Variants in S100A7 observed in about 807,000 individuals in gnomAD.
S100A7 encodes protein S100-A7.
A neutral mutation model predicts 3.8 loss-of-function variants in S100A7; 2 were observed. The observed-to-expected ratio is 0.53, with a 90% CI of 0.22 to 1.67. The LOEUF (loss-of-function observed/expected upper bound fraction) is 1.67, where lower values mean the gene tolerates loss of function less well. Among genes scored for constraint, S100A7 ranks in the 40% most tolerant of loss-of-function variants. The pLI is 0.20. For synonymous variants in S100A7, 55 were observed against 45.9 expected, an observed-to-expected ratio of 1.20 and a Z score of -0.80; for missense variants, 130 against 126.3, an observed-to-expected ratio of 1.03 and a Z score of -0.14.
At chr1:153,458,356 C>T (rs926926111) in intron 2 of S100A7, among the ~76,000 whole-genome samples, 6 of 152,120 alleles carry the variant, frequency 3.9e-5, no homozygotes, top group African/African-American at 1.4e-4. Flanking sequence ...CTTTCTCTGG[C>T]CTCCTCTCCT....
intron 1 of S100A7, 99 bp from the exon 2 acceptor site, chr1:153,459,129 G>A: frequency 2.1e-6 from 3 of 1,420,340 alleles, no homozygotes; most frequent in Non-Finnish European, 2.9e-6. Flanking sequence ...TAAAAACACG[G>A]ATAAGGTGTA....
intron 1 of S100A7, among the ~76,000 whole-genome samples, chr1:153,459,386 A>G (rs555643153): frequency 1.3e-5 from 2 of 152,344 alleles, no homozygotes; most frequent in Non-Finnish European, 2.9e-5. Context: ...CCCCACTCTT[A>G]AAAGAGCACC....
chr1:153,458,677 T>C (rs1663744986), intron 2 of S100A7, among the ~76,000 whole-genome samples, 196 bp downstream of exon 2: 1 of 152,202 alleles, frequency 6.6e-6, no homozygotes, highest in Non-Finnish European at 1.5e-5. Flanking sequence ...GACCATCTAA[T>C]AACCTCCTTT....
Position 153,458,971 on chromosome 1 carries a change from C to T in S100A7, c.43G>A (p.Asp15Asn), listed in dbSNP as rs1038529990. The T allele has an allele frequency of 9.3e-6, 15 of 1,613,908 alleles. No homozygotes were observed. The highest frequency in any genetic ancestry group is 6.7e-5 in the African/African-American group (5 of 74,894). Reference sequence around the variant, plus strand: ...CGTCTGGTGTATTTGTGAAACATGTCGATCATGCCTATTATGGACCTCTCA... The same window carrying T: ...CGTCTGGTGTATTTGTGAAACATGTTGATCATGCCTATTATGGACCTCTCA... Reference protein sequence around the residue: ...QAERSIIGMIDMFHKYTRRDD... With the variant: ...QAERSIIGMINMFHKYTRRDD... The change falls in exon 2 of 3, where the codon GAC becomes AAC. Residue 15 changes from aspartate to asparagine, a missense_variant. Transcript: ENST00000368723.
chr1:153,458,470 G>A (rs542222446), intron 2 of S100A7, among the ~76,000 whole-genome samples: 36 of 152,156 alleles, frequency 2.4e-4, no homozygotes, highest in Non-Finnish European at 4.6e-4. Flanking sequence ...ATTTGCTAAT[G>A]AGTCTTGTTT....
At chr1:153,460,330 C>G (rs1317823745) in intron 1 of S100A7, among the ~76,000 whole-genome samples, 3 of 152,062 alleles carry the variant, frequency 2.0e-5, no homozygotes, top group East Asian at 1.9e-4. Flanking sequence ...AGGAAGAGGA[C>G]AGGGAGGGTC....
chr1:153,458,719 T>G (rs1263359657), intron 2 of S100A7, among the ~76,000 whole-genome samples, 154 bp downstream of exon 2: 3 of 152,200 alleles, frequency 2.0e-5, no homozygotes, highest in Non-Finnish European at 4.4e-5. Flanking sequence ...ATTTTCATAC[T>G]TTTTTGCCTA....
chr1:153,459,811 G>A (rs1372548185), intron 1 of S100A7: 4 of 152,266 alleles, frequency 2.6e-5, no homozygotes, highest in Admixed American at 6.5e-5. Context: ...AAATAAAAAT[G>A]TCTGACTTCC....
At chr1:153,459,091 A>G (rs950915437) in intron 1 of S100A7, 61 bp from the exon 2 acceptor site, 3 of 1,571,340 alleles carry the variant, frequency 1.9e-6, no homozygotes, top group African/African-American at 2.7e-5. Flanking sequence ...TCTATTTGGG[A>G]GTGCTGGAAG....
intron 2 of S100A7, 66 bp downstream of exon 2, chr1:153,458,807 G>A: frequency 6.4e-7 from 1 of 1,558,596 alleles, no homozygotes; most frequent in South Asian, 1.2e-5. Flanking sequence ...GAGGGTGAGG[G>A]TGATCTGTCC....
chr1:153,458,293 A>G (rs964376311), intron 2 of S100A7, among the ~76,000 whole-genome samples: 2 of 152,008 alleles, frequency 1.3e-5, no homozygotes, highest in Non-Finnish European at 2.9e-5. Context: ...GGCACTGCCT[A>G]CCTTAGTTCT....
At chr1:153,458,435 C>T (rs1221401913) in intron 2 of S100A7, among the ~76,000 whole-genome samples, 1 of 152,138 alleles carries the variant, frequency 6.6e-6, no homozygotes, top group Non-Finnish European at 1.5e-5. Flanking sequence ...CCTTTGGTAC[C>T]TAGTAGCCCA....
At chr1:153,459,256 G>C (rs547053603) in intron 1 of S100A7, among the ~76,000 whole-genome samples, 1 of 152,328 alleles carries the variant, frequency 6.6e-6, no homozygotes, top group South Asian at 2.1e-4. Flanking sequence ...GATGCAGGTG[G>C]ATGGCGGAAG....
At chr1:153,458,730 C>G (rs543737943) in intron 2 of S100A7, 143 bp downstream of exon 2, 19 of 985,064 alleles carry the variant, frequency 1.9e-5, no homozygotes, top group Non-Finnish European at 2.8e-5. Flanking sequence ...TTTTTGCCTA[C>G]CATCCTTAGA....
rs1280470954 is a variant in S100A7 at position 153,458,106 on chromosome 1, G to A, written c.142-136C>T. 5.2e-6 allele frequency: 5 copies of A among 968,566 alleles called. No individual in the cohort carries two copies. In the South Asian group the frequency reaches 6.4e-5, roughly 12 times the overall value. The allele number at this position is 968,566 out of a possible 1,614,324, so 60.0% of individuals were successfully genotyped here. On this transcript the variant is annotated intron_variant, in intron 2 of 2. Transcript: ENST00000368723. ...ATGGTGGCGGGGCTGAGAGCACAGGGTGAGTGGGTGAAGTTGGGGTGAGGA... is the reference window on the plus strand; with the variant it reads ...ATGGTGGCGGGGCTGAGAGCACAGGATGAGTGGGTGAAGTTGGGGTGAGGA...
intron 1 of S100A7, 35 bp from the exon 2 acceptor site, chr1:153,459,065 C>A (rs1341502084): frequency 5.6e-6 from 9 of 1,601,328 alleles, no homozygotes; most frequent in East Asian, 2.2e-5. Context: ...TTTTTCCCTT[C>A]ATTTAAGTTA....
chr1:153,458,864 C>A lies in S100A7; in HGVS notation c.141+9G>T. The A allele has an allele frequency of 6.2e-7, 1 of 1,613,648 alleles. No homozygotes were observed. The highest frequency in any genetic ancestry group is 8.5e-7 in the Non-Finnish European group (1 of 1,179,684). On this transcript the variant is annotated intron_variant, in intron 2 of 2. Transcript: ENST00000368723. ...TCCTCCAACATTGAGAAGCTAGACA[C>A]CGACTCACACAGGCACTAAGGAAGT...
intron 2 of S100A7, among the ~76,000 whole-genome samples, 189 bp from the exon 3 acceptor site, chr1:153,458,159 G>A (rs1001244208): frequency 2.6e-5 from 4 of 151,994 alleles, no homozygotes; most frequent in Non-Finnish European, 4.4e-5. Flanking sequence ...GAGTTCTCTA[G>A]GGAGTCTTTT....
chr1:153,460,254 T>G (rs1486440068), intron 1 of S100A7, among the ~76,000 whole-genome samples: 2 of 152,152 alleles, frequency 1.3e-5, no homozygotes, highest in East Asian at 3.9e-4. Flanking sequence ...CCCTCCACCC[T>G]CTGTGGAGCT....
Sources: allele counts gnomAD v4.1 joint callset (sites outside exome capture counted in the v4.1 genomes callset), GRCh38; gene constraint gnomAD v4.1.1; transcripts MANE v1.5; gene names NCBI Gene and HGNC (gene_info 2026-07-23, HGNC 2026-07-21).